The following BPNT2 variants were observed in gnomAD, a reference collection of about 807,000 sequenced individuals.
BPNT2 encodes 3'(2'), 5'-bisphosphate nucleotidase 2, also known as Golgi-resident adenosine 3',5'-bisphosphate 3'-phosphatase.
A neutral mutation model predicts 29.3 loss-of-function variants in BPNT2; 11 were observed. The observed-to-expected ratio is 0.38, with a 90% CI of 0.24 to 0.62. BPNT2 has a LOEUF of 0.62. Among genes scored for constraint, BPNT2 ranks in the 20% least tolerant of loss-of-function variants. The probability of loss-of-function intolerance (pLI) is 0.62; values close to 1 mark genes in which losing one functional copy is unlikely to be tolerated. For missense variants in BPNT2, 459 were observed against 473.4 expected (o/e 0.97, Z 0.28); for synonymous variants, 195 against 187.7 (o/e 1.04, Z -0.32).
chr8:56,976,048 T>A (rs1806127111), intron 3 of BPNT2, among the ~76,000 whole-genome samples: 1 of 152,148 alleles, frequency 6.6e-6, no homozygotes, highest in South Asian at 2.1e-4. Context: ...AAGGACTACA[T>A]TTTTTTGCCT....
intron 3 of BPNT2, 99 bp from the exon 4 acceptor site, chr8:56,966,451 GCT>G: frequency 2.0e-6 from 2 of 1,005,440 alleles, no homozygotes; most frequent in East Asian, 2.4e-5. Flanking sequence ...TGACAAAATA[GCT>G]CTCTTCTAAA....
Position 56,958,773 on chromosome 8 carries a change from G to A in BPNT2, c.*5020C>T, listed in dbSNP as rs548419785. 7.9e-5 allele frequency: 12 copies of A among 152,316 alleles called. No homozygotes were observed. In the East Asian group the frequency reaches 1.9e-3, roughly 25 times the overall value. 9.4% of individuals were successfully genotyped at this position (152,316 alleles called of 1,614,324 possible). On this transcript the variant is annotated 3_prime_UTR_variant, in exon 5 of 5. Transcript: ENST00000262644. Reference sequence around the variant, plus strand: ...CTAGCAGTGCCCTGTCATCATGGCAGAGCACTGTCTCTTCTGTGGGACTGA... The same window carrying A: ...CTAGCAGTGCCCTGTCATCATGGCAAAGCACTGTCTCTTCTGTGGGACTGA...
At chr8:56,965,058 G>A (rs62511999) in intron 4 of BPNT2, among the ~76,000 whole-genome samples, 10,176 of 152,184 alleles carry the variant, frequency 0.067, 558 homozygotes, top group East Asian at 0.27. Context: ...GGTGGCTCAC[G>A]CCTGTAATCC....
chr8:56,967,272 A>C, intron 3 of BPNT2: 1 of 456,234 alleles, frequency 2.2e-6, no homozygotes, highest in South Asian at 1.5e-5. Context: ...TGAGTTCCCC[A>C]AGAATGATGG....
intron 1 of BPNT2, among the ~76,000 whole-genome samples, chr8:56,992,306 G>A (rs1217039551): frequency 6.6e-6 from 1 of 152,122 alleles, no homozygotes; most frequent in East Asian, 1.9e-4. Flanking sequence ...GGTGAGTTAA[G>A]ATATACGTTA....
chr8:56,992,916 A>G (rs1030473821), intron 1 of BPNT2, among the ~76,000 whole-genome samples: 1 of 152,014 alleles, frequency 6.6e-6, no homozygotes, highest in Non-Finnish European at 1.5e-5. Context: ...TGCGGGTGCA[A>G]TTAACTTTGT....
intron 1 of BPNT2, among the ~76,000 whole-genome samples, chr8:56,987,251 G>C (rs1806340317): frequency 6.6e-6 from 1 of 152,144 alleles, no homozygotes; most frequent in African/African-American, 2.4e-5. Flanking sequence ...CCATAGGTGT[G>C]ATATGGCAAC....
rs1309204088 is a variant in BPNT2, at chr8:56,963,464, A to G, written c.*329T>C. On this transcript the variant is annotated 3_prime_UTR_variant, in exon 5 of 5. Transcript: ENST00000262644. ...TTCTATATGAAAGTACTAACAGTGA[A>G]GATTCATGATGTTGTGTGAAAATGG... 7 of 253,176 alleles carry G rather than the reference A, an allele frequency of 2.8e-5. No homozygotes were observed. The highest frequency in any genetic ancestry group is 5.3e-5 in the Non-Finnish European group (7 of 131,372). 15.7% of individuals were successfully genotyped at this position (253,176 alleles called of 1,614,324 possible).
At chr8:56,977,456 C>T (rs1355968070) in intron 3 of BPNT2, among the ~76,000 whole-genome samples, 1 of 152,144 alleles carries the variant, frequency 6.6e-6, no homozygotes, top group East Asian at 1.9e-4. Context: ...TATAAAAACA[C>T]TCTAATTGGC....
intron 3 of BPNT2, among the ~76,000 whole-genome samples, chr8:56,973,769 A>G (rs903938921): frequency 1.3e-5 from 2 of 152,202 alleles, no homozygotes; most frequent in Non-Finnish European, 2.9e-5. Context: ...GGTTCTCATT[A>G]TTCAAGACTG....
intron 1 of BPNT2, among the ~76,000 whole-genome samples, chr8:56,988,910 C>T (rs10088040): frequency 0.87 from 132,903 of 152,114 alleles, 58,066 homozygotes; most frequent in Admixed American, 0.91. Context: ...AATTCTTTCA[C>T]TTCCTTCTAC....
At chr8:56,968,958 A>T (rs1161358794) in intron 3 of BPNT2, among the ~76,000 whole-genome samples, 1 of 152,190 alleles carries the variant, frequency 6.6e-6, no homozygotes, top group Non-Finnish European at 1.5e-5. Context: ...TCTAAATCTA[A>T]TGACTGGTGT....
chr8:56,968,664 T>A (rs1048612883), intron 3 of BPNT2, among the ~76,000 whole-genome samples: 2 of 152,056 alleles, frequency 1.3e-5, no homozygotes, highest in Non-Finnish European at 2.9e-5. Context: ...CAGAGTGAGA[T>A]CTTGTCTCTA....
At chr8:56,987,458 TCTTCTGCCTTA>T (rs1806344552) in intron 1 of BPNT2, among the ~76,000 whole-genome samples, 2 of 152,152 alleles carry the variant, frequency 1.3e-5, no homozygotes, top group African/African-American at 4.8e-5. Context: ...GACTGCCCCT[TCTTCTGCCTTA>T]CTGCTGAGCT....
chr8:56,966,116 G>A, intron 4 of BPNT2, 75 bp downstream of exon 4: 1 of 1,518,040 alleles, frequency 6.6e-7, no homozygotes. Context: ...GCATGGACAA[G>A]CAAATTAGTC....
chr8:56,974,783 AT>A (rs1214115893), intron 3 of BPNT2, among the ~76,000 whole-genome samples: 1 of 152,208 alleles, frequency 6.6e-6, no homozygotes, highest in Non-Finnish European at 1.5e-5. Context: ...AGTTAGGGAC[AT>A]TTGGCTTCTT....
chr8:56,973,189 T>C (rs1806066375), intron 3 of BPNT2, among the ~76,000 whole-genome samples: 1 of 152,162 alleles, frequency 6.6e-6, no homozygotes, highest in African/African-American at 2.4e-5. Flanking sequence ...CTTTGAGTAC[T>C]GGACAATGCC....
intron 3 of BPNT2, among the ~76,000 whole-genome samples, chr8:56,969,585 C>CAA (rs35617693): frequency 5.5e-4 from 82 of 149,668 alleles, no homozygotes; most frequent in Middle Eastern, 6.8e-3. Flanking sequence ...AAGTAAACAT[C>CAA]AAAAAAAAAC....
chr8:56,985,824 GA>G (rs2129206368), intron 1 of BPNT2, among the ~76,000 whole-genome samples: 1 of 152,276 alleles, frequency 6.6e-6, no homozygotes, highest in African/African-American at 2.4e-5. Context: ...CTTGTAGTTA[GA>G]GGCAAATGAG....
Sources: allele counts gnomAD v4.1 joint callset (sites outside exome capture counted in the v4.1 genomes callset), GRCh38; gene constraint gnomAD v4.1.1; transcripts MANE v1.5; gene names NCBI Gene and HGNC (gene_info 2026-07-23, HGNC 2026-07-21).